Variants in MYH9 observed in about 807,000 individuals in gnomAD.
MYH9 encodes the protein myosin heavy chain 9.
A neutral mutation model predicts 241.9 loss-of-function variants in MYH9; 29 were observed. The ratio of observed to expected loss-of-function variants is 0.12; its 90% CI spans 0.09 to 0.16. The LOEUF (loss-of-function observed/expected upper bound fraction) is 0.16, where lower values mean the gene tolerates loss of function less well. Ranked by LOEUF, MYH9 falls within the 10% of genes least tolerant of loss-of-function variation. The pLI is 1.00. For missense variants in MYH9, 1,803 were observed against 2,595.5 expected (o/e 0.69, Z 6.63); for synonymous variants, 1,047 against 1,062.6 (o/e 0.99, Z 0.29).
chr22:36,343,058 G>A (rs765011945), intron 2 of MYH9, among the ~76,000 whole-genome samples: 6 of 152,224 alleles, frequency 3.9e-5, no homozygotes, highest in Non-Finnish European at 8.8e-5. Context: ...GCCCTCTCCA[G>A]TCACTCCAAA....
In MYH9 at chr22:36,300,373, G is replaced by T; in HGVS notation, c.2839-109C>A. 1 of 1,506,292 alleles carries T rather than the reference G, an allele frequency of 6.6e-7. No homozygotes were observed. The highest frequency in any genetic ancestry group is 2.3e-5 in the East Asian group (1 of 44,010). The allele number at this position is 1,506,292 out of a possible 1,614,324, so 93.3% of individuals were successfully genotyped here. On this transcript the variant is annotated intron_variant, in intron 22 of 40. Transcript: ENST00000216181. This position sits in a 1 kb window ranked among gnomAD's most constrained non-coding sequence, Gnocchi z 5.0. ...CAAACGCCAAGGAGAAAATAGCAAG[G>T]TCTGTGAGCCCAGGGCCATGGCTGA...
chr22:36,286,589 C>A, intron 35 of MYH9, 129 bp downstream of exon 35: 1 of 1,333,340 alleles, frequency 7.5e-7, no homozygotes. Flanking sequence ...CCTTATGTAA[C>A]CTGAGAGCCA....
rs1603484033 is a variant in MYH9, at chr22:36,348,463, C to G, written c.333+441G>C. Among the ~76,000 whole-genome samples, 3 of 149,604 alleles carry G rather than the reference C, an allele frequency of 2.0e-5. No homozygotes were observed. The South Asian group carries it at 6.3e-4, about 31-fold the overall frequency. The stretch of plus-strand genomic sequence containing the variant: ...GACAGAGGTTACAGTGAGCCAAGAT[C>G]ACACCATTGCACTCCAGCGGGGGCA... On this transcript the variant is annotated intron_variant, in intron 2 of 40. Coordinates refer to ENST00000216181, the MANE Select transcript of MYH9 (RefSeq NM_002473.6).
At chr22:36,328,920 C>A (rs1355348353) in intron 3 of MYH9, 3 of 152,368 alleles carry the variant, frequency 2.0e-5, no homozygotes, top group African/African-American at 7.2e-5. Flanking sequence ...TAGCCACCGA[C>A]CAGCTAGGCT....
chr22:36,286,173 A>C, intron 35 of MYH9: 1 of 616,046 alleles, frequency 1.6e-6, no homozygotes, highest in East Asian at 2.8e-5. Flanking sequence ...GCTAGGAATC[A>C]AGCCAGGTGC....
chr22:36,385,171 TC>T (rs200288542), intron 1 of MYH9, among the ~76,000 whole-genome samples: 3,136 of 134,828 alleles, frequency 0.023, 69 homozygotes, highest in Non-Finnish European at 0.033. Context: ...TTTTTTTTTT[TC>T]TCTCTCTCTC....
intron 3 of MYH9, among the ~76,000 whole-genome samples, chr22:36,331,307 A>C (rs2146374151): frequency 6.6e-6 from 1 of 152,246 alleles, no homozygotes; most frequent in South Asian, 2.1e-4. Context: ...CTCCCAACTG[A>C]GCAATTCCCT....
Position 36,304,164 on chromosome 22 carries a change from G to A in MYH9, c.2230-9C>T, listed in dbSNP as rs1221817075. 1.2e-6 allele frequency: 2 copies of A among 1,613,114 alleles called. No homozygotes were observed. The highest frequency in any genetic ancestry group is 3.3e-5 in the Admixed American group (2 of 59,994). On this transcript the variant is annotated splice_polypyrimidine_tract_variant and intron_variant, in intron 18 of 40. Coordinates refer to ENST00000216181, the MANE Select transcript of MYH9 (RefSeq NM_002473.6). ...AGCTCCAGGGCTTTTATCTAGGTGG[G>A]AGGAGCAGGCCGTTTACCTGGCCAG...
intron 1 of MYH9, among the ~76,000 whole-genome samples, chr22:36,373,685 T>C (rs760696391): frequency 1.1e-4 from 17 of 152,246 alleles, no homozygotes; most frequent in Non-Finnish European, 2.2e-4. Flanking sequence ...CTTGTTCATC[T>C]GCATCCTGAC....
intron 1 of MYH9, among the ~76,000 whole-genome samples, chr22:36,350,574 T>C (rs969419789): frequency 2.0e-5 from 3 of 152,240 alleles, no homozygotes; most frequent in African/African-American, 7.2e-5. Context: ...CTTATATATC[T>C]GTATGGTTTT....
intron 3 of MYH9, among the ~76,000 whole-genome samples, chr22:36,336,540 TCA>T (rs1422374892): frequency 4.6e-5 from 7 of 152,206 alleles, no homozygotes; most frequent in African/African-American, 1.4e-4. Flanking sequence ...TTTGGTGCCA[TCA>T]CAGAGTTCCG....
At chr22:36,361,865 T>C (rs1407345622) in intron 1 of MYH9, among the ~76,000 whole-genome samples, 1 of 151,238 alleles carries the variant, frequency 6.6e-6, no homozygotes. Context: ...AGGTCAGGAG[T>C]TCAAGACCAG....
At chr22:36,308,990 TGGCGC>T (rs2017015930) in intron 15 of MYH9, 1 of 475,654 alleles carries the variant, frequency 2.1e-6, no homozygotes, top group Non-Finnish European at 2.7e-6. Flanking sequence ...GAATGCAACA[TGGCGC>T]GGGGCTGGGA....
In MYH9 at chr22:36,349,182, T is replaced by C. The variant is rs1195771824; in HGVS notation, c.55A>G (p.Asn19Asp). 3.7e-6 allele frequency: 6 copies of C among 1,614,260 alleles called. No individual in the cohort carries two copies. Among genetic ancestry groups the C allele is most frequent in the Non-Finnish European group, 5.1e-6 (6 of 1,180,042 alleles). The change falls in exon 2 of 41, where the codon AAT becomes GAT. Residue 19 changes from asparagine to aspartate, a missense_variant. By Grantham distance (23) the Asn-to-Asp change is conservative. This residue lies in a region of MYH9 where 75 missense variants were observed against 79.1 expected (regional missense o/e 0.95). Coordinates refer to ENST00000216181, the MANE Select transcript of MYH9 (RefSeq NM_002473.6). ...YLYVDKNFINNPLAQADWAAK... is the reference protein window; with the variant it reads ...YLYVDKNFINDPLAQADWAAK... The stretch of plus-strand genomic sequence containing the variant: ...GCCCAGTCGGCCTGGGCCAGCGGAT[T>C]GTTGATGAAGTTTTTATCCACATAG...
chr22:36,386,489 T>G (rs902354393), intron 1 of MYH9, among the ~76,000 whole-genome samples: 2 of 152,166 alleles, frequency 1.3e-5, no homozygotes, highest in African/African-American at 4.8e-5. Context: ...ATGGCCACAG[T>G]GCTGCGCTGC....
chr22:36,336,712 C>T (rs2017505204), intron 3 of MYH9, among the ~76,000 whole-genome samples: 1 of 152,258 alleles, frequency 6.6e-6, no homozygotes, highest in South Asian at 2.1e-4. Context: ...GACTGACACA[C>T]ACCACCGCCT....
At chr22:36,360,326 G>A (rs917989810) in intron 1 of MYH9, among the ~76,000 whole-genome samples, 10 of 152,090 alleles carry the variant, frequency 6.6e-5, no homozygotes, top group Admixed American at 1.3e-4. Context: ...AGAGGGTTTC[G>A]TGGCCGAGTA....
intron 7 of MYH9, among the ~76,000 whole-genome samples, chr22:36,321,552 T>A (rs2017251672): frequency 6.6e-6 from 1 of 152,064 alleles, no homozygotes; most frequent in Non-Finnish European, 1.5e-5. Flanking sequence ...AAAGCACAGG[T>A]TATCCTGCCT....
At chr22:36,370,142 A>G (rs2018068046) in intron 1 of MYH9, among the ~76,000 whole-genome samples, 1 of 152,248 alleles carries the variant, frequency 6.6e-6, no homozygotes, top group Non-Finnish European at 1.5e-5. Flanking sequence ...TTCCACAGAT[A>G]AGGAAAACTG....
Sources: gnomAD v4.1 joint callset for allele counts (sites outside exome capture counted in the v4.1 genomes callset) on GRCh38, gnomAD v4.1.1 for gene constraint, gnomAD v4.1.1 regional missense constraint, Gnocchi (gnomAD v3.1) non-coding constraint, MANE v1.5 for transcripts, NCBI Gene and HGNC (gene_info 2026-07-23, HGNC 2026-07-21) for gene names.